The following LRP2 variants were observed in gnomAD, a reference collection of about 807,000 sequenced individuals.
The protein encoded by LRP2 is low-density lipoprotein receptor-related protein 2.
In LRP2, 172 loss-of-function variants were observed where a neutral mutation model predicts 531.0. The ratio of observed to expected loss-of-function variants is 0.32; its 90% CI spans 0.29 to 0.37. The LOEUF (loss-of-function observed/expected upper bound fraction) is 0.37, where lower values mean the gene tolerates loss of function less well. Among genes scored for constraint, LRP2 ranks in the 10% least tolerant of loss-of-function variants. The pLI, the probability that LRP2 is intolerant of heterozygous loss-of-function variation, is 1.00. For missense variants in LRP2, 5,167 were observed against 5,868.3 expected (o/e 0.88, Z 3.90); for synonymous variants, 1,992 against 2,027.6 (o/e 0.98, Z 0.47).
chr2:169,180,617 T>C (rs1687393463), intron 52 of LRP2, among the ~76,000 whole-genome samples: 1 of 152,126 alleles, frequency 6.6e-6, no homozygotes, highest in Non-Finnish European at 1.5e-5. Flanking sequence ...ACTTCAAACT[T>C]TACTACACTG....
At chr2:169,238,451 T>C (rs902138875) in intron 26 of LRP2, 149 bp from the exon 27 acceptor site, 5 of 651,148 alleles carry the variant, frequency 7.7e-6, no homozygotes, top group Non-Finnish European at 1.4e-5. Flanking sequence ...GGAAGCCCCA[T>C]ATGAATGATT....
chr2:169,356,779 C>T (rs1305554342), intron 1 of LRP2, among the ~76,000 whole-genome samples: 1 of 152,192 alleles, frequency 6.6e-6, no homozygotes, highest in African/African-American at 2.4e-5. Context: ...CAAGAAGCAT[C>T]CCAGAACTCG....
chr2:169,271,128 C>T (rs771660899), intron 15 of LRP2, 21 bp from the exon 16 acceptor site: 5 of 1,539,816 alleles, frequency 3.2e-6, no homozygotes, highest in Non-Finnish European at 4.5e-6. Flanking sequence ...AATAACACAG[C>T]ACAGTCAGTC....
At chr2:169,198,335 G>A (rs1040037564) in intron 45 of LRP2, among the ~76,000 whole-genome samples, 5 of 152,122 alleles carry the variant, frequency 3.3e-5, no homozygotes, top group African/African-American at 4.8e-5. Context: ...GATGGCTTGA[G>A]CACAGGAGGC....
intron 76 of LRP2, among the ~76,000 whole-genome samples, chr2:169,133,715 C>T (rs1685375257): frequency 6.6e-6 from 1 of 152,140 alleles, no homozygotes; most frequent in Non-Finnish European, 1.5e-5. Context: ...TGATGCAGAC[C>T]TTATGTAAAG....
At chr2:169,176,168 G>A (rs1319490151) in intron 54 of LRP2, among the ~76,000 whole-genome samples, 1 of 152,112 alleles carries the variant, frequency 6.6e-6, no homozygotes, top group Non-Finnish European at 1.5e-5. Context: ...AGAAATATAT[G>A]GTTTGCTTCC....
At position 169,216,290 on chromosome 2, in the gene LRP2, T is replaced by C. The variant is rs1356431369; in HGVS notation, c.5789A>G (p.Glu1930Gly). The C allele has an allele frequency of 6.2e-7, 1 of 1,613,490 alleles. No individual in the cohort carries two copies. The highest frequency in any genetic ancestry group is 1.3e-5 in the African/African-American group (1 of 74,868). ...AGTGACTGCCCAGTAGAGTTTCTGC[T>C]CTTCGATGTCAAGAGTGACACACTC... Reference protein sequence around the residue: ...HLECVTLDIEEQKLYWAVTGR... With the variant: ...HLECVTLDIEGQKLYWAVTGR... Residue 1930 changes from glutamate (E) to glycine (G), a missense_variant, in exon 35 of 79, where the codon GAG becomes GGG. Glu to Gly is a moderately conservative substitution (Grantham distance 98). This residue lies in a region of LRP2 where 2,811 missense variants were observed against 3,058.0 expected (regional missense o/e 0.92). Coordinates refer to ENST00000649046, the MANE Select transcript of LRP2 (RefSeq NM_004525.3).
intron 6 of LRP2, among the ~76,000 whole-genome samples, 155 bp from the exon 7 acceptor site, chr2:169,292,524 G>GATT (rs34980705): frequency 2.6e-5 from 4 of 151,180 alleles, no homozygotes; most frequent in Non-Finnish European, 4.4e-5. Flanking sequence ...TAAAAAGGAG[G>GATT]AAAAAAAAGA....
chr2:169,340,550 G>A (rs1685535022), intron 1 of LRP2, among the ~76,000 whole-genome samples: 1 of 152,200 alleles, frequency 6.6e-6, no homozygotes, highest in African/African-American at 2.4e-5. Context: ...TTTAAACAGA[G>A]AAGGCATGTC....
chr2:169,240,877 G>A, intron 25 of LRP2, 111 bp downstream of exon 25: 1 of 1,293,716 alleles, frequency 7.7e-7, no homozygotes, highest in Non-Finnish European at 1.1e-6. Flanking sequence ...ACTCATAGAG[G>A]AACTGAAATC....
In LRP2 at chr2:169,216,450, C is replaced by T; in HGVS notation, c.5649-20G>A. ...AGCTTCCTACAACCATGAAAAACAC[C>T]AGCATGTAACAAAACAGAAGGTGGA... On this transcript the variant is annotated intron_variant, in intron 34 of 78. Coordinates refer to ENST00000649046, the MANE Select transcript of LRP2 (RefSeq NM_004525.3). The T allele has an allele frequency of 6.2e-7, 1 of 1,612,312 alleles. No homozygotes were observed. The highest frequency in any genetic ancestry group is 8.5e-7 in the Non-Finnish European group (1 of 1,178,680).
chr2:169,175,201 A>C lies in LRP2; in HGVS notation c.10760T>G (p.Leu3587Arg). Residue 3587 changes from leucine to arginine, a missense_variant, in exon 55 of 79, where the codon CTT (leucine) becomes CGT (arginine). Coordinates refer to ENST00000649046, the MANE Select transcript of LRP2 (RefSeq NM_004525.3). ...AAAGCGACTCAACACACCACAAAGA[A>C]GACGGTCTTCATCAGACCCATCAGG... ...NCPDGSDEDR[L>R]LCENHHCDSN... 3.1e-6 allele frequency: 5 copies of C among 1,614,124 alleles called. No individual in the cohort carries two copies. The highest frequency in any genetic ancestry group is 3.4e-6 in the Non-Finnish European group (4 of 1,179,974).
chr2:169,176,340 T>C, intron 54 of LRP2, 71 bp downstream of exon 54: 1 of 1,586,182 alleles, frequency 6.3e-7, no homozygotes, highest in Non-Finnish European at 8.6e-7. Context: ...CTCCCATCCC[T>C]TGGAGCCTTG....
At chr2:169,212,854 A>G (rs1688645737) in intron 36 of LRP2, among the ~76,000 whole-genome samples, 2 of 152,062 alleles carry the variant, frequency 1.3e-5, no homozygotes, top group African/African-American at 4.8e-5. Flanking sequence ...CCAAAATCTC[A>G]CAAATCACCA....
intron 58 of LRP2, 149 bp from the exon 59 acceptor site, chr2:169,170,816 A>G (rs1024546290): frequency 1.6e-5 from 11 of 694,482 alleles, no homozygotes; most frequent in Non-Finnish European, 2.4e-5. Context: ...TCACCCTCCA[A>G]AACTAGACCT....
At chr2:169,316,948 C>A (rs1004123523) in intron 3 of LRP2, among the ~76,000 whole-genome samples, 6 of 152,084 alleles carry the variant, frequency 3.9e-5, no homozygotes, top group Non-Finnish European at 8.8e-5. Context: ...GAGTCAAGTG[C>A]AATCTAAATG....
At chr2:169,323,814 C>G (rs1036661300) in intron 1 of LRP2, among the ~76,000 whole-genome samples, 1 of 150,014 alleles carries the variant, frequency 6.7e-6, no homozygotes, top group Admixed American at 6.7e-5. Context: ...AACTTTAAAA[C>G]ATTCTCCAGG....
chr2:169,139,116 C>T (rs1311452063), intron 74 of LRP2, 135 bp downstream of exon 74: 4 of 1,309,078 alleles, frequency 3.1e-6, no homozygotes, highest in Non-Finnish European at 4.4e-6. Flanking sequence ...TACATCCTCA[C>T]TACTTTTTGT....
At chr2:169,353,506 G>A (rs1171746430) in intron 1 of LRP2, among the ~76,000 whole-genome samples, 3 of 152,120 alleles carry the variant, frequency 2.0e-5, no homozygotes, top group Admixed American at 2.0e-4. Flanking sequence ...GCCATTTTGA[G>A]TTGGGTTTTC....
Sources: gnomAD v4.1 joint callset for allele counts (sites outside exome capture counted in the v4.1 genomes callset) on GRCh38, gnomAD v4.1.1 for gene constraint, gnomAD v4.1.1 regional missense constraint, MANE v1.5 for transcripts, NCBI Gene and HGNC (gene_info 2026-07-23, HGNC 2026-07-21) for gene names.